KIAA1217: variants seen among roughly 807,000 people sequenced by gnomAD.
KIAA1217 encodes sickle tail protein homolog.
KIAA1217 carries 88 observed loss-of-function variants against 163.9 expected under a neutral mutation model. The observed-to-expected ratio is 0.54, with a 90% CI of 0.45 to 0.64. KIAA1217 has a LOEUF of 0.64. Among genes scored for constraint, KIAA1217 ranks in the 30% least tolerant of loss-of-function variants. The pLI, the probability that KIAA1217 is intolerant of heterozygous loss-of-function variation, is 0.00. For synonymous variants in KIAA1217, 903 were observed against 923.1 expected (o/e 0.98, Z 0.39); for missense variants, 2,372 against 2,475.0 (o/e 0.96, Z 0.88).
intron 2 of KIAA1217, among the ~76,000 whole-genome samples, chr10:24,309,115 T>C: frequency 3.2e-5 from 1 of 31,222 alleles, no homozygotes; most frequent in Non-Finnish European, 5.7e-5. Flanking sequence ...AGAGCAAGAC[T>C]CTGTCAAAAA....
intron 1 of KIAA1217, among the ~76,000 whole-genome samples, chr10:23,949,777 G>A (rs900222682): frequency 1.3e-5 from 2 of 152,126 alleles, no homozygotes; most frequent in Non-Finnish European, 2.9e-5. Context: ...ATATTGAGGT[G>A]AGAAAATTAG....
At chr10:24,103,127 C>A (rs2062482735) in intron 2 of KIAA1217, among the ~76,000 whole-genome samples, 2 of 152,048 alleles carry the variant, frequency 1.3e-5, no homozygotes, top group African/African-American at 4.8e-5. Flanking sequence ...TTGAGTATGT[C>A]TTTATTAGCT....
intron 9 of KIAA1217, among the ~76,000 whole-genome samples, chr10:24,505,383 G>A (rs7907859): frequency 0.63 from 94,930 of 151,368 alleles, 32,043 homozygotes; most frequent in African/African-American, 0.89. Context: ...AAGGTTTTGT[G>A]CCTAACAGAT....
intron 2 of KIAA1217, among the ~76,000 whole-genome samples, chr10:24,355,782 T>C (rs572403768): frequency 1.4e-4 from 17 of 119,210 alleles, no homozygotes; most frequent in Non-Finnish European, 2.2e-4. Context: ...AGAGTCTCAC[T>C]CTGTCTCCCA....
chr10:24,141,473 A>T (rs1475186780), intron 2 of KIAA1217, among the ~76,000 whole-genome samples: 1 of 152,154 alleles, frequency 6.6e-6, no homozygotes, highest in South Asian at 2.1e-4. Context: ...CAGGGAACGA[A>T]AAAGGACTAT....
intron 12 of KIAA1217, among the ~76,000 whole-genome samples, chr10:24,523,435 AAAAG>A (rs1234280845): frequency 2.0e-5 from 3 of 152,222 alleles, no homozygotes; most frequent in Non-Finnish European, 4.4e-5. Flanking sequence ...AAGAAACAGC[AAAAG>A]AAAGAGCACT....
chr10:23,697,714 CA>C (rs35015789), intron 1 of KIAA1217, among the ~76,000 whole-genome samples: 20,709 of 140,050 alleles, frequency 0.15, 1,670 homozygotes, highest in Middle Eastern at 0.18. Context: ...ACTAAAAATA[CA>C]AAAAAAAAAA....
rs181209884 is a variant in KIAA1217 at position 24,017,404 on chromosome 10, A to C, written c.-171+10030A>C. Among the ~76,000 whole-genome samples the C allele has an allele frequency of 2.0e-5, 3 of 152,200 alleles. No homozygotes were observed. In the East Asian group the frequency reaches 5.8e-4, roughly 30 times the overall value. On this transcript the variant is annotated intron_variant, in intron 2 of 18. Coordinates refer to the KIAA1217 transcript ENST00000376462. Reference sequence around the variant, plus strand: ...CATGAAGTAGAGAGCCTTTCACTTCAATGTAAGGGGACTATAAAAAATTCC... The same window carrying C: ...CATGAAGTAGAGAGCCTTTCACTTCCATGTAAGGGGACTATAAAAAATTCC...
chr10:23,973,330 C>T (rs1845402570), intron 1 of KIAA1217, among the ~76,000 whole-genome samples: 1 of 152,174 alleles, frequency 6.6e-6, no homozygotes, highest in Admixed American at 6.5e-5. Context: ...TGCCTTGCAT[C>T]TATTATTGTG....
intron 2 of KIAA1217, among the ~76,000 whole-genome samples, chr10:24,145,732 A>T (rs12251070): frequency 1.3e-5 from 2 of 152,262 alleles, no homozygotes; most frequent in African/African-American, 4.8e-5. Context: ...AGAGCCCCTG[A>T]CAAACCATTC....
chr10:24,410,348 A>G (rs1445954866), intron 3 of KIAA1217, among the ~76,000 whole-genome samples: 1 of 152,158 alleles, frequency 6.6e-6, no homozygotes, highest in East Asian at 1.9e-4. Context: ...TATGTAATTT[A>G]TTGTACATTA....
At chr10:24,126,129 T>C (rs940916388) in intron 2 of KIAA1217, among the ~76,000 whole-genome samples, 6 of 152,234 alleles carry the variant, frequency 3.9e-5, no homozygotes, top group African/African-American at 1.2e-4. Flanking sequence ...TTTATAATTC[T>C]ATTCTCTTTC....
At chr10:23,821,200 T>TATAC (rs770606658) in intron 1 of KIAA1217, among the ~76,000 whole-genome samples, 9 of 152,068 alleles carry the variant, frequency 5.9e-5, no homozygotes, top group Non-Finnish European at 1.2e-4. Context: ...TTTACCTGCA[T>TATAC]GTATCATCAC....
intron 1 of KIAA1217, among the ~76,000 whole-genome samples, chr10:23,737,212 T>G (rs1838859410): frequency 6.6e-6 from 1 of 152,198 alleles, no homozygotes; most frequent in Non-Finnish European, 1.5e-5. Flanking sequence ...TTAACATATT[T>G]TTTTTTGAGA....
intron 6 of KIAA1217, among the ~76,000 whole-genome samples, chr10:24,485,031 G>A (rs2133434282): frequency 6.6e-6 from 1 of 151,964 alleles, no homozygotes; most frequent in Middle Eastern, 3.5e-3. Context: ...AATTGTGCAT[G>A]CGGGGAACAC....
chr10:24,384,682 C>T (rs1232982073), intron 3 of KIAA1217, among the ~76,000 whole-genome samples: 1 of 137,688 alleles, frequency 7.3e-6, no homozygotes, highest in Non-Finnish European at 1.6e-5. Flanking sequence ...GACGCAGGTG[C>T]CTGCCACCAT....
At chr10:23,840,157 C>CTT (rs1372923961) in intron 1 of KIAA1217, among the ~76,000 whole-genome samples, 2 of 148,966 alleles carry the variant, frequency 1.3e-5, no homozygotes, top group African/African-American at 5.1e-5. Flanking sequence ...TGTAATTACG[C>CTT]TTCTTTTTTT....
intron 2 of KIAA1217, among the ~76,000 whole-genome samples, chr10:24,258,161 G>A (rs974966358): frequency 2.3e-5 from 3 of 128,654 alleles, no homozygotes; most frequent in Middle Eastern, 3.8e-3. Context: ...AGCCTGGGTG[G>A]CAGAATGAGA....
chr10:23,755,044 C>A (rs1039003963), intron 1 of KIAA1217, among the ~76,000 whole-genome samples: 2 of 151,832 alleles, frequency 1.3e-5, no homozygotes, highest in Non-Finnish European at 2.9e-5. Flanking sequence ...TATATAAATA[C>A]ACAGACAAAT....
Sources: allele counts gnomAD v4.1 joint callset (sites outside exome capture counted in the v4.1 genomes callset), GRCh38; gene constraint gnomAD v4.1.1; transcripts MANE v1.5; gene names NCBI Gene and HGNC (gene_info 2026-07-23, HGNC 2026-07-21).